The following GALNTL6 variants were observed in gnomAD, a reference collection of about 807,000 sequenced individuals.
GALNTL6 encodes polypeptide N-acetylgalactosaminyltransferase like 6.
Under a neutral mutation model 73.7 loss-of-function variants are expected in GALNTL6, and 46 were observed. The observed-to-expected ratio is 0.62, with a 90% CI of 0.49 to 0.80. The LOEUF is 0.80. Among genes scored for constraint, GALNTL6 ranks in the 30% least tolerant of loss-of-function variants. The pLI is 0.00. For missense variants in GALNTL6, 604 were observed against 755.0 expected, an observed-to-expected ratio of 0.80 and a Z score of 2.34; for synonymous variants, 259 against 263.7, an observed-to-expected ratio of 0.98 and a Z score of 0.17.
rs141430745 is a variant in GALNTL6 at position 172,281,814 on chromosome 4, C to A, written c.248-29800C>A. Among the ~76,000 whole-genome samples, 1,306 of 152,186 alleles carry A rather than the reference C, an allele frequency of 8.6e-3. 5 individuals carry two copies. The highest frequency in any genetic ancestry group is 0.014 in the Non-Finnish European group (956 of 68,004). ...TTAATTTAATCACATCTGCGAATTT[C>A]TTTTTGCCATGTAAGGTAACATATT... On this transcript the variant is annotated intron_variant, in intron 3 of 12. Coordinates refer to ENST00000506823, the MANE Select transcript of GALNTL6 (RefSeq NM_001034845.3).
At chr4:172,938,921 G>A (rs913542840) in intron 9 of GALNTL6, among the ~76,000 whole-genome samples, 5 of 152,146 alleles carry the variant, frequency 3.3e-5, no homozygotes, top group Non-Finnish European at 5.9e-5. Flanking sequence ...GGGCAATAAG[G>A]CTGTCTAATA....
rs1751781327 is a variant in GALNTL6 at position 172,996,372 on chromosome 4, A to G, written c.1372-12806A>G. Among the ~76,000 whole-genome samples, 4 of 152,044 alleles carry G rather than the reference A, an allele frequency of 2.6e-5. No individual in the cohort carries two copies. The South Asian group carries it at 8.3e-4, about 32-fold the overall frequency. ...ATGGATGCATAGAGGGGAACAGCAC[A>G]CACCGGGGGCTATGGGAGGGTGGAG... is the stretch of plus-strand genomic sequence containing the variant. On this transcript the variant is annotated intron_variant, in intron 10 of 12. Coordinates refer to ENST00000506823, the MANE Select transcript of GALNTL6 (RefSeq NM_001034845.3).
intron 8 of GALNTL6, among the ~76,000 whole-genome samples, chr4:172,927,592 G>A: frequency 6.6e-6 from 1 of 152,004 alleles, no homozygotes; most frequent in Non-Finnish European, 1.5e-5. Context: ...GTCTCGGGGG[G>A]ATGATTCAGC....
At chr4:172,818,788 A>G (rs993969123) in intron 7 of GALNTL6, among the ~76,000 whole-genome samples, 5 of 152,124 alleles carry the variant, frequency 3.3e-5, no homozygotes, top group Admixed American at 2.0e-4. Flanking sequence ...TAGTAGAGAC[A>G]GGGTTTTGCC....
chr4:172,394,728 G>A (rs1048016819), intron 5 of GALNTL6, among the ~76,000 whole-genome samples: 2 of 151,996 alleles, frequency 1.3e-5, no homozygotes, highest in African/African-American at 4.8e-5. Flanking sequence ...CACCACGCCC[G>A]GCCCTTCTTT....
At chr4:172,524,231 T>C (rs1050970133) in intron 5 of GALNTL6, among the ~76,000 whole-genome samples, 1 of 152,004 alleles carries the variant, frequency 6.6e-6, no homozygotes, top group African/African-American at 2.4e-5. Flanking sequence ...TTTATTTTTA[T>C]TTTTTGCTCA....
At chr4:172,767,457 C>T (rs67840366) in intron 5 of GALNTL6, among the ~76,000 whole-genome samples, 26,369 of 152,120 alleles carry the variant, frequency 0.17, 3,108 homozygotes, top group Middle Eastern at 0.33. Flanking sequence ...TGCGACTCCC[C>T]ACTCCTCCAC....
chr4:172,979,771 C>T (rs1750989271), intron 10 of GALNTL6, among the ~76,000 whole-genome samples: 1 of 152,128 alleles, frequency 6.6e-6, no homozygotes, highest in African/African-American at 2.4e-5. Context: ...CTTTGAAAAA[C>T]CAATCTTGGT....
intron 2 of GALNTL6, among the ~76,000 whole-genome samples, chr4:172,074,600 T>C (rs1033331563): frequency 6.6e-6 from 1 of 151,990 alleles, no homozygotes; most frequent in Non-Finnish European, 1.5e-5. Context: ...TATGACAAAA[T>C]ATAGGCTCAG....
At chr4:172,652,049 T>A (rs1371373974) in intron 5 of GALNTL6, among the ~76,000 whole-genome samples, 2 of 152,218 alleles carry the variant, frequency 1.3e-5, no homozygotes, top group African/African-American at 2.4e-5. Flanking sequence ...GCTGCTAATA[T>A]GAGTCTTAGA....
chr4:172,689,614 G>A (rs543662298), intron 5 of GALNTL6, among the ~76,000 whole-genome samples: 13 of 152,114 alleles, frequency 8.5e-5, no homozygotes, highest in African/African-American at 3.1e-4. Flanking sequence ...GCCAGCAAGG[G>A]ACAAGATCTT....
At chr4:172,704,775 T>C (rs2111302646) in intron 5 of GALNTL6, among the ~76,000 whole-genome samples, 1 of 152,122 alleles carries the variant, frequency 6.6e-6, no homozygotes, top group Admixed American at 6.6e-5. Flanking sequence ...TCTGTCTTGC[T>C]AAAAATGGGA....
At chr4:173,025,695 C>A (rs1392928646) in intron 12 of GALNTL6, among the ~76,000 whole-genome samples, 6 of 152,116 alleles carry the variant, frequency 3.9e-5, no homozygotes, top group Non-Finnish European at 8.8e-5. Context: ...AGTGCTTTAG[C>A]CTCTCAATAC....
At chr4:172,298,166 G>A (rs1219808471) in intron 3 of GALNTL6, among the ~76,000 whole-genome samples, 3 of 152,074 alleles carry the variant, frequency 2.0e-5, no homozygotes, top group African/African-American at 7.2e-5. Context: ...TCTGTTATTG[G>A]TGTATAAGAA....
chr4:172,006,906 A>G (rs1196345029), intron 2 of GALNTL6, among the ~76,000 whole-genome samples: 3 of 152,168 alleles, frequency 2.0e-5, no homozygotes, highest in Non-Finnish European at 2.9e-5. Flanking sequence ...GCTCAGTATT[A>G]TCTGGTTAAA....
At chr4:172,748,469 A>AT (rs971059159) in intron 5 of GALNTL6, among the ~76,000 whole-genome samples, 24 of 150,654 alleles carry the variant, frequency 1.6e-4, no homozygotes, top group East Asian at 3.9e-4. Flanking sequence ...TCAAGAATAT[A>AT]TTTTTTTTTT....
At chr4:172,501,134 G>C (rs2110776212) in intron 5 of GALNTL6, among the ~76,000 whole-genome samples, 1 of 152,250 alleles carries the variant, frequency 6.6e-6, no homozygotes, top group South Asian at 2.1e-4. Flanking sequence ...ATCTGTATTA[G>C]GTCAATGGAT....
intron 2 of GALNTL6, among the ~76,000 whole-genome samples, chr4:171,936,289 A>T (rs1220045396): frequency 6.6e-6 from 1 of 152,180 alleles, no homozygotes; most frequent in Admixed American, 6.5e-5. Context: ...TGGAAAAGGT[A>T]TGTAACATCT....
intron 5 of GALNTL6, among the ~76,000 whole-genome samples, chr4:172,680,179 A>G (rs1386331310): frequency 3.3e-5 from 5 of 152,142 alleles, no homozygotes; most frequent in Non-Finnish European, 7.4e-5. Flanking sequence ...TCCATGTTTT[A>G]AGCTTCAATA....
Sources: gnomAD v4.1 joint callset for allele counts (sites outside exome capture counted in the v4.1 genomes callset) on GRCh38, gnomAD v4.1.1 for gene constraint, MANE v1.5 for transcripts, NCBI Gene and HGNC (gene_info 2026-07-23, HGNC 2026-07-21) for gene names.